PDE10A: variants seen among roughly 807,000 people sequenced by gnomAD.
PDE10A encodes cAMP and cAMP-inhibited cGMP 3',5'-cyclic phosphodiesterase 10A.
In PDE10A, 39 loss-of-function variants were observed where a neutral mutation model predicts 97.7. The ratio of observed to expected loss-of-function variants is 0.40; its 90% CI spans 0.31 to 0.52. The LOEUF is 0.52. Ranked by LOEUF, PDE10A falls within the 20% of genes least tolerant of loss-of-function variation. The pLI is 0.56. For missense variants in PDE10A, 731 were observed against 1,047.8 expected (o/e 0.70, Z 4.17); for synonymous variants, 371 against 376.8 (o/e 0.98, Z 0.18).
At chr6:165,379,157 C>A (rs1784787909) in intron 18 of PDE10A, 37 bp downstream of exon 18, 1 of 1,387,756 alleles carries the variant, frequency 7.2e-7, no homozygotes, top group African/African-American at 1.5e-5. Flanking sequence ...CCAGATAACA[C>A]TTTCTGGGCT....
intron 1 of PDE10A, among the ~76,000 whole-genome samples, chr6:165,608,811 GT>G (rs1787352210): frequency 6.6e-6 from 1 of 152,206 alleles, no homozygotes; most frequent in African/African-American, 2.4e-5. Context: ...ATTCTAACTG[GT>G]GTGAGATGAT....
chr6:165,526,933 GC>G (rs1782482822), intron 2 of PDE10A, among the ~76,000 whole-genome samples: 1 of 152,204 alleles, frequency 6.6e-6, no homozygotes, highest in Non-Finnish European at 1.5e-5. Flanking sequence ...ATCACTTCTT[GC>G]TTCTGCAAGG....
At chr6:165,335,251 A>G (rs946189056) in intron 21 of PDE10A, among the ~76,000 whole-genome samples, 1 of 152,218 alleles carries the variant, frequency 6.6e-6, no homozygotes, top group African/African-American at 2.4e-5. Flanking sequence ...GGAATGAGAA[A>G]AAGACTTAAA....
intron 1 of PDE10A, among the ~76,000 whole-genome samples, chr6:165,910,482 C>T (rs1782423600): frequency 6.6e-6 from 1 of 152,128 alleles, no homozygotes; most frequent in African/African-American, 2.4e-5. Context: ...TAGTGTCGTG[C>T]AGGTTTAAAA....
At chr6:165,381,664 G>A (rs918526828) in intron 17 of PDE10A, among the ~76,000 whole-genome samples, 12 of 124,836 alleles carry the variant, frequency 9.6e-5, no homozygotes, top group African/African-American at 3.6e-4. Context: ...TGTATTTTTA[G>A]TAGAGACGGA....
At chr6:165,576,533 T>C (rs1358219406) in intron 1 of PDE10A, 1 of 742,430 alleles carries the variant, frequency 1.3e-6, no homozygotes, top group African/African-American at 1.7e-5. Context: ...ATCTATACCA[T>C]TAGCTTCTAA....
chr6:165,667,867 C>G (rs1483083381), upstream of PDE10A, among the ~76,000 whole-genome samples: 1 of 152,078 alleles, frequency 6.6e-6, no homozygotes. Context: ...TGAATATTAA[C>G]TCTATTATAT....
chr6:165,755,478 T>C (rs867655757), intron 1 of PDE10A, among the ~76,000 whole-genome samples: 3 of 152,360 alleles, frequency 2.0e-5, no homozygotes, highest in Middle Eastern at 6.8e-3. Context: ...CTGTCTTCAC[T>C]GAAACATATT....
intron 1 of PDE10A, among the ~76,000 whole-genome samples, chr6:165,746,571 G>A (rs926520160): frequency 6.6e-6 from 1 of 152,214 alleles, no homozygotes; most frequent in African/African-American, 2.4e-5. Context: ...GCCAGACCCG[G>A]AGACACAGCG....
chr6:165,507,071 C>T (rs1315730392), intron 2 of PDE10A, among the ~76,000 whole-genome samples: 3 of 151,586 alleles, frequency 2.0e-5, no homozygotes, highest in East Asian at 1.9e-4. Context: ...CTACCTGCCA[C>T]CCTGCTGCCT....
chr6:165,377,179 A>G (rs1784656381), intron 18 of PDE10A, among the ~76,000 whole-genome samples: 2 of 152,184 alleles, frequency 1.3e-5, no homozygotes, highest in South Asian at 4.1e-4. Flanking sequence ...GCACTGGGAA[A>G]CCAAAAAGTT....
intron 1 of PDE10A, among the ~76,000 whole-genome samples, chr6:165,654,908 C>A (rs533590023): frequency 6.6e-6 from 1 of 152,316 alleles, no homozygotes; most frequent in South Asian, 2.1e-4. Flanking sequence ...CCGGGTCACA[C>A]CTCTCCAGGG....
At chr6:165,401,990 C>T (rs1222991320) in intron 13 of PDE10A, among the ~76,000 whole-genome samples, 3 of 152,026 alleles carry the variant, frequency 2.0e-5, no homozygotes, top group Non-Finnish European at 4.4e-5. Context: ...ATTGGTATTA[C>T]CTGTAATACA....
intron 1 of PDE10A, chr6:165,780,881 G>C (rs896156536): frequency 6.6e-6 from 1 of 152,182 alleles, no homozygotes. Context: ...GGTGCATTTG[G>C]GTCCCAGGCT....
intron 1 of PDE10A, among the ~76,000 whole-genome samples, chr6:165,618,387 G>A (rs1391342920): frequency 1.3e-5 from 2 of 151,998 alleles, no homozygotes; most frequent in Non-Finnish European, 2.9e-5. Flanking sequence ...ACCCCAAACC[G>A]GCACATTCAA....
intron 1 of PDE10A, among the ~76,000 whole-genome samples, chr6:165,712,982 C>T (rs1377848068): frequency 6.6e-6 from 1 of 152,228 alleles, no homozygotes; most frequent in Non-Finnish European, 1.5e-5. Flanking sequence ...TTTTTATCTC[C>T]TCTTTGCAAT....
Position 165,794,244 on chromosome 6 carries a change from C to T in PDE10A, c.-615+193285G>A, listed in dbSNP as rs533548892. 4.6e-5 allele frequency among the ~76,000 whole-genome samples: 7 copies of T among 151,212 alleles called. No individual in the cohort carries two copies. The South Asian group carries it at 1.5e-3, about 32-fold the overall frequency. On this transcript the variant is annotated intron_variant, in intron 1 of 19. Transcript: ENST00000366882. ...AATCATACACTCCCTCCCACACGCA[C>T]ACCTGCTCACACTCACATACACACT...
At chr6:165,861,284 G>C (rs1389717092) in intron 1 of PDE10A, among the ~76,000 whole-genome samples, 1 of 152,100 alleles carries the variant, frequency 6.6e-6, no homozygotes, top group East Asian at 1.9e-4. Context: ...CCAGGTGCCA[G>C]GGACACTGCT....
intron 13 of PDE10A, among the ~76,000 whole-genome samples, chr6:165,408,484 T>C (rs76392686): frequency 0.016 from 2,512 of 152,248 alleles, 80 homozygotes; most frequent in African/African-American, 0.056. Context: ...ATTTGGGTCT[T>C]GGTCATTGGC....
Sources: gnomAD v4.1 joint callset for allele counts (sites outside exome capture counted in the v4.1 genomes callset) on GRCh38, gnomAD v4.1.1 for gene constraint, MANE v1.5 for transcripts, NCBI Gene and HGNC (gene_info 2026-07-23, HGNC 2026-07-21) for gene names.